The following CLVS1 variants were observed in gnomAD, a reference collection of about 807,000 sequenced individuals.
CLVS1 encodes clavesin 1, also known as clavesin-1.
CLVS1 carries 10 observed loss-of-function variants against 33.1 expected under a neutral mutation model. The observed-to-expected ratio is 0.30, with a 90% confidence interval of 0.19 to 0.51. The LOEUF (loss-of-function observed/expected upper bound fraction) is 0.51. Among genes scored for constraint, CLVS1 ranks in the 20% least tolerant of loss-of-function variants. The pLI, the probability that CLVS1 is intolerant of heterozygous loss-of-function variation, is 0.97. For synonymous variants in CLVS1, 163 were observed against 166.1 expected (o/e 0.98, Z 0.14); for missense variants, 343 against 433.4 (o/e 0.79, Z 1.85).
chr8:61,179,329 A>G (rs1055510167), intron 2 of CLVS1, among the ~76,000 whole-genome samples: 3 of 152,178 alleles, frequency 2.0e-5, no homozygotes, highest in African/African-American at 7.2e-5. Context: ...CAGGAGCACC[A>G]AGATTCATAA....
chr8:61,320,423 G>T (rs1413837301), intron 2 of CLVS1, among the ~76,000 whole-genome samples: 3 of 151,648 alleles, frequency 2.0e-5, no homozygotes, highest in African/African-American at 7.3e-5. Context: ...GACAATACTG[G>T]TTAACTTAGA....
chr8:61,287,941 T>C (rs1385685848), upstream of CLVS1: 2 of 376,188 alleles, frequency 5.3e-6, no homozygotes, highest in East Asian at 7.3e-5. Context: ...CTAGGCTCCG[T>C]ATAGAAGGAC....
intron 3 of CLVS1, among the ~76,000 whole-genome samples, chr8:61,448,314 T>C (rs1022975303): frequency 9.8e-5 from 15 of 152,286 alleles, no homozygotes; most frequent in African/African-American, 3.4e-4. Flanking sequence ...TTTCAGCCAT[T>C]ATTTTCTTAA....
the CLVS1 span, among the ~76,000 whole-genome samples, chr8:60,978,473 G>T: frequency 6.6e-6 from 1 of 152,318 alleles, no homozygotes; most frequent in Non-Finnish European, 1.5e-5. Context: ...AAACTAGGTT[G>T]TAATAAGTTT....
At chr8:61,329,410 C>T (rs1329774361) in intron 2 of CLVS1, among the ~76,000 whole-genome samples, 1 of 152,092 alleles carries the variant, frequency 6.6e-6, no homozygotes, top group Non-Finnish European at 1.5e-5. Flanking sequence ...CCCCTCTTTC[C>T]AGCCTTTCCA....
At chr8:61,092,202 G>C (rs989666302) in intron 1 of CLVS1, among the ~76,000 whole-genome samples, 1 of 152,148 alleles carries the variant, frequency 6.6e-6, no homozygotes, top group African/African-American at 2.4e-5. Context: ...CTTTGCATTT[G>C]AACTTTTTCC....
At chr8:61,355,380 C>T (rs1039060904) in intron 2 of CLVS1, among the ~76,000 whole-genome samples, 1 of 151,812 alleles carries the variant, frequency 6.6e-6, no homozygotes, top group African/African-American at 2.4e-5. Flanking sequence ...AAGCACACAG[C>T]GTGGTGGTTT....
intron 2 of CLVS1, among the ~76,000 whole-genome samples, chr8:61,363,679 G>A (rs1395444854): frequency 6.6e-6 from 1 of 152,200 alleles, no homozygotes; most frequent in Non-Finnish European, 1.5e-5. Context: ...AATGAACTAT[G>A]TTGACCCCAT....
At chr8:61,458,204 A>G in intron 4 of CLVS1, 103 bp from the exon 5 acceptor site, 1 of 770,272 alleles carries the variant, frequency 1.3e-6, no homozygotes, top group Non-Finnish European at 2.2e-6. Context: ...TGTGATCACC[A>G]GCAGTGCATC....
intron 5 of CLVS1, among the ~76,000 whole-genome samples, chr8:61,494,121 C>T (rs1312509917): frequency 6.6e-6 from 1 of 152,176 alleles, no homozygotes; most frequent in Non-Finnish European, 1.5e-5. Flanking sequence ...GCAGAATGGA[C>T]TGAATCATGG....
the CLVS1 span, among the ~76,000 whole-genome samples, chr8:60,980,959 A>G: frequency 6.6e-6 from 1 of 152,210 alleles, no homozygotes; most frequent in East Asian, 1.9e-4. Context: ...ATGTGGGTAC[A>G]GAGGCGGAGA....
At chr8:61,056,351 T>C (rs1343265465), upstream of CLVS1, among the ~76,000 whole-genome samples, 1 of 152,246 alleles carries the variant, frequency 6.6e-6, no homozygotes, top group Non-Finnish European at 1.5e-5. Context: ...CTCATTGATT[T>C]CTAGAATGGA....
intron 1 of CLVS1, among the ~76,000 whole-genome samples, chr8:61,067,399 TA>T (rs1301998125): frequency 6.7e-6 from 1 of 149,258 alleles, no homozygotes; most frequent in Non-Finnish European, 1.5e-5. Flanking sequence ...TTGTATTATA[TA>T]ATTATATATG....
intron 2 of CLVS1, among the ~76,000 whole-genome samples, chr8:61,316,428 A>G (rs1009576121): frequency 2.0e-5 from 3 of 152,188 alleles, no homozygotes; most frequent in African/African-American, 7.2e-5. Flanking sequence ...GAATCACCAT[A>G]TTATATTCTC....
chr8:61,364,849 T>C (rs1300547120), intron 2 of CLVS1, among the ~76,000 whole-genome samples: 3 of 152,202 alleles, frequency 2.0e-5, no homozygotes, highest in African/African-American at 7.2e-5. Context: ...CCTGAGTTAA[T>C]TAAAATTATG....
rs540381055 is a variant in CLVS1 at position 61,387,264 on chromosome 8, G to A, written c.630+10485G>A. Among the ~76,000 whole-genome samples the A allele has an allele frequency of 7.2e-5, 11 of 152,188 alleles. No individual in the cohort carries two copies. The East Asian group carries it at 1.2e-3, about 16-fold the overall frequency. On this transcript the variant is annotated intron_variant, in intron 3 of 5. Coordinates refer to ENST00000325897, the MANE Select transcript of CLVS1 (RefSeq NM_173519.3). ...TAGCCGGTCATGATGGAGGGTGCTC[G>A]TAATCCCAGCTACTCTGGAGGCTGA... is the stretch of plus-strand genomic sequence containing the variant.
rs1808506838 is a variant in CLVS1, at chr8:61,234,269, A to C, written c.-151-65408A>C. ...GGCTGGACTGTGTGCGTGCGTATTC[A>C]TGTGAGAGAAACAGCCTGGTTCGAC... On this transcript the variant is annotated intron_variant, in intron 2 of 2. Transcript: ENST00000522621. 2.6e-5 allele frequency among the ~76,000 whole-genome samples: 4 copies of C among 152,174 alleles called. No homozygotes were observed. In the South Asian group the frequency reaches 8.3e-4, roughly 32 times the overall value.
At chr8:61,188,399 T>G (rs1807389377) in intron 2 of CLVS1, among the ~76,000 whole-genome samples, 1 of 151,784 alleles carries the variant, frequency 6.6e-6, no homozygotes, top group Non-Finnish European at 1.5e-5. Context: ...TAGCCAGGCA[T>G]ACAAAAAAAT....
intron 2 of CLVS1, among the ~76,000 whole-genome samples, chr8:61,236,173 A>C (rs10110877): frequency 0.22 from 32,909 of 152,002 alleles, 6,186 homozygotes; most frequent in East Asian, 0.68. Flanking sequence ...ATGAGGCAAG[A>C]CACTGCCAGG....
Sources: gnomAD v4.1 joint callset for allele counts (sites outside exome capture counted in the v4.1 genomes callset) on GRCh38, gnomAD v4.1.1 for gene constraint, MANE v1.5 for transcripts, NCBI Gene and HGNC (gene_info 2026-07-23, HGNC 2026-07-21) for gene names.